Variants in TRIM33 observed in about 807,000 individuals in gnomAD.
TRIM33 encodes E3 ubiquitin-protein ligase TRIM33.
TRIM33 carries 20 observed loss-of-function variants against 125.4 expected under a neutral mutation model. That is an observed-to-expected ratio of 0.16 (90% confidence interval 0.11 to 0.23). The LOEUF (loss-of-function observed/expected upper bound fraction) is 0.23. TRIM33 is among the 10% of genes least tolerant of loss of function. The probability of loss-of-function intolerance (pLI) is 1.00; values close to 1 mark genes in which losing one functional copy is unlikely to be tolerated. For synonymous variants in TRIM33, 564 were observed against 513.9 expected, an observed-to-expected ratio of 1.10 and a Z score of -1.32; for missense variants, 920 against 1,411.4, an observed-to-expected ratio of 0.65 and a Z score of 5.58.
At chr1:114,416,780 A>G (rs139476152) in intron 11 of TRIM33, among the ~76,000 whole-genome samples, 452 of 152,346 alleles carry the variant, frequency 3.0e-3, no homozygotes, top group African/African-American at 9.9e-3. Flanking sequence ...TTCTTAATCT[A>G]GCCAAATTCA....
chr1:114,486,935 A>T (rs948659105), intron 1 of TRIM33, among the ~76,000 whole-genome samples: 1 of 152,022 alleles, frequency 6.6e-6, no homozygotes, highest in African/African-American at 2.4e-5. Context: ...AAAAATACAA[A>T]AATTAGCCAG....
intron 4 of TRIM33, among the ~76,000 whole-genome samples, chr1:114,434,079 T>C (rs1327713251): frequency 1.3e-5 from 2 of 152,194 alleles, no homozygotes; most frequent in East Asian, 1.9e-4. Context: ...GAAAATACTA[T>C]AAAAGGAAGG....
chr1:114,480,476 TAAAAAAAA>T (rs61241613), intron 1 of TRIM33, among the ~76,000 whole-genome samples: 2 of 77,872 alleles, frequency 2.6e-5, no homozygotes, highest in African/African-American at 5.4e-5. Context: ...ATGATCAATT[TAAAAAAAA>T]AAAAAAAAAA....
intron 4 of TRIM33, among the ~76,000 whole-genome samples, chr1:114,461,053 C>G (rs1649950705): frequency 6.6e-6 from 1 of 151,494 alleles, no homozygotes; most frequent in Non-Finnish European, 1.5e-5. Flanking sequence ...AGTCAGAATA[C>G]CAGAGGCCGG....
At chr1:114,488,189 T>C (rs1557897045) in intron 1 of TRIM33, among the ~76,000 whole-genome samples, 1 of 152,014 alleles carries the variant, frequency 6.6e-6, no homozygotes, top group Non-Finnish European at 1.5e-5. Flanking sequence ...CTCCAAAAAC[T>C]ATAAACTACA....
At chr1:114,481,596 A>C (rs1320397599) in intron 1 of TRIM33, among the ~76,000 whole-genome samples, 1 of 151,798 alleles carries the variant, frequency 6.6e-6, no homozygotes, top group African/African-American at 2.4e-5. Context: ...GTCCGAAAAA[A>C]AACCCAAGAA....
At chr1:114,406,363 A>G (rs1204584590) in intron 14 of TRIM33, among the ~76,000 whole-genome samples, 1 of 152,190 alleles carries the variant, frequency 6.6e-6, no homozygotes, top group African/African-American at 2.4e-5. Context: ...CAACCATATA[A>G]AAAAGGAAAA....
intron 4 of TRIM33, among the ~76,000 whole-genome samples, chr1:114,454,122 C>G (rs574533011): frequency 9.9e-5 from 15 of 152,186 alleles, no homozygotes; most frequent in South Asian, 4.1e-4. Context: ...AAAGGAGTCT[C>G]GTGGATTACT....
chr1:114,497,327 G>A (rs1009312702), intron 1 of TRIM33, among the ~76,000 whole-genome samples: 4 of 151,916 alleles, frequency 2.6e-5, no homozygotes, highest in African/African-American at 9.7e-5. Flanking sequence ...TGGAGTTTTC[G>A]CTCTTATTGC....
intron 1 of TRIM33, among the ~76,000 whole-genome samples, chr1:114,478,773 C>T (rs184104612): frequency 1.3e-5 from 2 of 152,274 alleles, no homozygotes; most frequent in African/African-American, 2.4e-5. Context: ...TCAGGCCAGG[C>T]GTGGTGGCTC....
intron 13 of TRIM33, among the ~76,000 whole-genome samples, chr1:114,407,364 A>G (rs2101101095): frequency 6.6e-6 from 1 of 152,286 alleles, no homozygotes; most frequent in Non-Finnish European, 1.5e-5. Context: ...ACACGCACAC[A>G]CACACACTCC....
At chr1:114,437,370 C>T (rs958653437) in intron 4 of TRIM33, among the ~76,000 whole-genome samples, 11 of 152,170 alleles carry the variant, frequency 7.2e-5, no homozygotes, top group Admixed American at 2.0e-4. Context: ...GACGGAGTCT[C>T]GCTCTGTTGC....
chr1:114,440,907 A>T (rs898287197), intron 4 of TRIM33, among the ~76,000 whole-genome samples: 10 of 152,256 alleles, frequency 6.6e-5, no homozygotes, highest in Non-Finnish European at 1.3e-4. Context: ...ACACAATCAC[A>T]ACGCACATTT....
Position 114,502,837 on chromosome 1 carries a change from A to G in TRIM33, c.526+7714T>C, listed in dbSNP as rs1409200972. 2.0e-5 allele frequency among the ~76,000 whole-genome samples: 3 copies of G among 152,336 alleles called. 1 individual carries two copies. In the South Asian group the frequency reaches 6.2e-4, roughly 32 times the overall value. ...GGTTTAAACAACACTTTTAAAAATC[A>G]GAAATAACTGTATTTCCTAAAACAA... On this transcript the variant is annotated intron_variant, in intron 1 of 19. Coordinates refer to ENST00000358465, the MANE Select transcript of TRIM33 (RefSeq NM_015906.4).
chr1:114,442,290 T>C (rs1648699236), intron 4 of TRIM33, among the ~76,000 whole-genome samples: 1 of 152,218 alleles, frequency 6.6e-6, no homozygotes, highest in South Asian at 2.1e-4. Flanking sequence ...TTTGTTGCCA[T>C]AGCTCTGAAT....
chr1:114,433,808 T>G, intron 4 of TRIM33, 75 bp from the exon 5 acceptor site: 3 of 901,962 alleles, frequency 3.3e-6, no homozygotes, highest in Non-Finnish European at 5.3e-6. Context: ...AACAGCTAAA[T>G]GAGTCAATCT....
In TRIM33 at chr1:114,424,831, A is replaced by C. The variant is rs1647452061; in HGVS notation, c.1696-76T>G. On this transcript the variant is annotated intron_variant, in intron 9 of 19. Transcript: ENST00000358465. ...TCTCAATTATAAAATGTAATCATAAAAATAATTCAGTCAAGATAAAAGGGT... is the reference window on the plus strand; with the variant it reads ...TCTCAATTATAAAATGTAATCATAACAATAATTCAGTCAAGATAAAAGGGT... 2.8e-6 allele frequency: 3 copies of C among 1,057,378 alleles called. No individual in the cohort carries two copies. In the South Asian group the frequency reaches 7.9e-5, roughly 28 times the overall value. The allele number at this position is 1,057,378 out of a possible 1,614,324, so 65.5% of individuals were successfully genotyped here.
At chr1:114,413,558 CAAAAAAAAAA>C (rs34268626) in intron 11 of TRIM33, among the ~76,000 whole-genome samples, 1 of 40,806 alleles carries the variant, frequency 2.5e-5, no homozygotes, top group East Asian at 9.0e-4. Flanking sequence ...AACTCCATCT[CAAAAAAAAAA>C]AAAAAGAAAA....
chr1:114,507,051 G>A (rs1653045353), intron 1 of TRIM33, among the ~76,000 whole-genome samples: 1 of 152,354 alleles, frequency 6.6e-6, no homozygotes, highest in East Asian at 1.9e-4. Context: ...TGCAAAGTGA[G>A]ACGGGCAAGT....
Sources: allele counts gnomAD v4.1 joint callset (sites outside exome capture counted in the v4.1 genomes callset), GRCh38; gene constraint gnomAD v4.1.1; transcripts MANE v1.5; gene names NCBI Gene and HGNC (gene_info 2026-07-23, HGNC 2026-07-21).